Variants in PALS2 observed in about 807,000 individuals in gnomAD.
PALS2 encodes protein associated with LIN7 2, MAGUK p55 family member.
In PALS2, 27 loss-of-function variants were observed where a neutral mutation model predicts 61.6. The ratio of observed to expected loss-of-function variants is 0.44; its 90% CI spans 0.32 to 0.60. PALS2 has a LOEUF of 0.60. PALS2 is among the 20% of genes least tolerant of loss of function. The probability of loss-of-function intolerance (pLI) is 0.05; values close to 1 mark genes in which losing one functional copy is unlikely to be tolerated. For synonymous variants in PALS2, 236 were observed against 218.6 expected (o/e 1.08, Z -0.70); for missense variants, 554 against 639.4 (o/e 0.87, Z 1.44).
chr7:24,685,828 T>A (rs1255233586), intron 11 of PALS2, among the ~76,000 whole-genome samples: 1 of 152,076 alleles, frequency 6.6e-6, no homozygotes, highest in Non-Finnish European at 1.5e-5. Flanking sequence ...TGGCAGTGAA[T>A]CCACTTCTCT....
Position 24,641,882 on chromosome 7 carries a change from T to A in PALS2, c.270+14T>A. ...CCTCACTTCCAGGTAACTTTCCCTATCACTCAACTCTCAAGTTCCCTGTAT... is the reference window on the plus strand; with the variant it reads ...CCTCACTTCCAGGTAACTTTCCCTAACACTCAACTCTCAAGTTCCCTGTAT... On this transcript the variant is annotated intron_variant, in intron 3 of 11. Transcript: ENST00000222644. 1 of 1,609,262 alleles carries A rather than the reference T, an allele frequency of 6.2e-7. No homozygotes were observed.
intron 1 of PALS2, among the ~76,000 whole-genome samples, chr7:24,593,804 T>A (rs1298039907): frequency 6.6e-6 from 1 of 152,128 alleles, no homozygotes; most frequent in East Asian, 1.9e-4. Flanking sequence ...AGTGCACAGT[T>A]AGAGTAGATT....
chr7:24,685,328 G>T (rs1408223353), intron 11 of PALS2, among the ~76,000 whole-genome samples: 1 of 152,062 alleles, frequency 6.6e-6, no homozygotes, highest in Non-Finnish European at 1.5e-5. Flanking sequence ...AAATTTTGTT[G>T]TATAATTCTA....
In PALS2 at chr7:24,687,391, A is replaced by C. The variant is rs769467826; in HGVS notation, c.1447-47A>C. 6.9e-7 allele frequency: 1 copy of C among 1,440,448 alleles called. No homozygotes were observed. The highest frequency in any genetic ancestry group is 9.6e-7 in the Non-Finnish European group (1 of 1,042,274). The allele number at this position is 1,440,448 out of a possible 1,614,324, so 89.2% of individuals were successfully genotyped here. A position where few individuals can be genotyped will look rare whatever the true frequency, so the allele number is the denominator to read the frequency against. On this transcript the variant is annotated intron_variant, in intron 11 of 11. Transcript: ENST00000222644. This position sits in a 1 kb window ranked among gnomAD's most constrained non-coding sequence, Gnocchi z 4.5. Reference sequence around the variant, plus strand: ...ACTTCTAGTTGGAGTTTGAGCAAGTAAATATGCATTGTAATACAAACATTT... The same window carrying C: ...ACTTCTAGTTGGAGTTTGAGCAAGTCAATATGCATTGTAATACAAACATTT...
chr7:24,675,743 A>G (rs1372277210), intron 9 of PALS2, among the ~76,000 whole-genome samples: 1 of 133,552 alleles, frequency 7.5e-6, no homozygotes, highest in Non-Finnish European at 1.5e-5. Context: ...ATGGCTGCAT[A>G]GTATTCCATG....
chr7:24,608,729 G>A (rs989234), intron 1 of PALS2, among the ~76,000 whole-genome samples: 21,449 of 152,018 alleles, frequency 0.14, 2,017 homozygotes, highest in East Asian at 0.48. Flanking sequence ...AGCCTCCCAA[G>A]TATCTGGGAC....
At chr7:24,651,374 C>G (rs1786140538) in intron 5 of PALS2, among the ~76,000 whole-genome samples, 1 of 152,154 alleles carries the variant, frequency 6.6e-6, no homozygotes, top group Admixed American at 6.5e-5. Context: ...AAGATGACCA[C>G]TTAGGTTCAA....
intron 11 of PALS2, among the ~76,000 whole-genome samples, chr7:24,680,980 G>A (rs1346307028): frequency 6.6e-6 from 1 of 152,152 alleles, no homozygotes. Flanking sequence ...GTTAGGATCT[G>A]GAACAGTATT....
At chr7:24,592,259 T>C (rs1783316955) in intron 1 of PALS2, among the ~76,000 whole-genome samples, 2 of 152,152 alleles carry the variant, frequency 1.3e-5, no homozygotes, top group Non-Finnish European at 2.9e-5. Flanking sequence ...AAGTGCTGTA[T>C]ATTGTAAATC....
At chr7:24,585,890 A>G (rs553785694) in intron 1 of PALS2, among the ~76,000 whole-genome samples, 183 of 152,046 alleles carry the variant, frequency 1.2e-3, no homozygotes, top group African/African-American at 4.2e-3. Context: ...TGCACCACTA[A>G]TATCTTCTAC....
intron 6 of PALS2, among the ~76,000 whole-genome samples, chr7:24,664,132 A>C (rs571051253): frequency 6.6e-6 from 1 of 152,270 alleles, no homozygotes; most frequent in East Asian, 1.9e-4. Context: ...ATGTTCGTTC[A>C]TAGCAAGTAA....
At position 24,623,615 on chromosome 7, in the gene PALS2, TTTTGTTTGTTTG is replaced by T. The variant is rs567037990; in HGVS notation, c.-2-35_-2-24del. 208 of 1,154,104 alleles carry T rather than the reference TTTTGTTTGTTTG, an allele frequency of 1.8e-4. 5 individuals carry two copies. The East Asian group carries it at 5.1e-3, about 28-fold the overall frequency. The allele number at this position is 1,154,104 out of a possible 1,614,324, so 71.5% of individuals were successfully genotyped here. On this transcript the variant is annotated intron_variant, in intron 1 of 11. Coordinates refer to ENST00000222644, the MANE Select transcript of PALS2 (RefSeq NM_001303037.2). ...CCATAACGGCTTGAAATTTAAGGGT[TTTTGTTTGTTTG>T]TTTGTTTGTTTGTTTTTATGTTGCT...
rs1403493295 is a variant in PALS2 at position 24,692,413 on chromosome 7, A to G, written c.*4799A>G. 6.6e-6 allele frequency: 1 copy of G among 152,112 alleles called. No individual in the cohort carries two copies. The highest frequency in any genetic ancestry group is 1.5e-5 in the Non-Finnish European group (1 of 68,018). The allele number at this position is 152,112 out of a possible 1,614,324, so 9.4% of individuals were successfully genotyped here. A position where few individuals can be genotyped will look rare whatever the true frequency, so the allele number is the denominator to read the frequency against. On this transcript the variant is annotated 3_prime_UTR_variant, in exon 12 of 12. Coordinates refer to ENST00000222644, the MANE Select transcript of PALS2 (RefSeq NM_001303037.2). ...TAAGTTAATATTTGTCTTCGCCTTA[A>G]ATTCTGATTTGTAATTTGTAACTCT...
intron 5 of PALS2, among the ~76,000 whole-genome samples, chr7:24,651,370 A>G (rs1186635648): frequency 3.9e-5 from 6 of 152,194 alleles, no homozygotes; most frequent in Admixed American, 3.9e-4. Flanking sequence ...GGTTAAGATG[A>G]CCACTTAGGT....
intron 1 of PALS2, among the ~76,000 whole-genome samples, chr7:24,620,430 T>C (rs138333930): frequency 2.6e-4 from 39 of 152,342 alleles, no homozygotes; most frequent in African/African-American, 9.4e-4. Flanking sequence ...TATTTGAGAT[T>C]TCTTTGCCAG....
intron 11 of PALS2, among the ~76,000 whole-genome samples, chr7:24,684,712 C>T (rs79700862): frequency 0.073 from 11,165 of 152,104 alleles, 1,049 homozygotes; most frequent in African/African-American, 0.21. Context: ...AATTTGATAG[C>T]TTCAAATGAA....
intron 2 of PALS2, among the ~76,000 whole-genome samples, chr7:24,629,254 T>C (rs763602365): frequency 1.3e-5 from 2 of 152,180 alleles, no homozygotes; most frequent in Non-Finnish European, 2.9e-5. Context: ...GATTCGCTAT[T>C]TAATAAATGA....
chr7:24,603,199 T>C (rs950319904), intron 1 of PALS2, among the ~76,000 whole-genome samples: 1 of 152,200 alleles, frequency 6.6e-6, no homozygotes, highest in African/African-American at 2.4e-5. Context: ...ACCCAGGCTA[T>C]ATTTTTGTCA....
intron 1 of PALS2, among the ~76,000 whole-genome samples, chr7:24,602,530 A>C (rs905592133): frequency 6.6e-6 from 1 of 152,194 alleles, no homozygotes; most frequent in African/African-American, 2.4e-5. Context: ...ACTATGAAGA[A>C]GACTTCACAT....
Sources: gnomAD v4.1 joint callset for allele counts (sites outside exome capture counted in the v4.1 genomes callset) on GRCh38, gnomAD v4.1.1 for gene constraint, Gnocchi (gnomAD v3.1) non-coding constraint, MANE v1.5 for transcripts, NCBI Gene and HGNC (gene_info 2026-07-23, HGNC 2026-07-21) for gene names.